Variants in SH3KBP1 observed in about 807,000 individuals in gnomAD.
SH3KBP1 encodes SH3 domain containing kinase binding protein 1.
In SH3KBP1, 8 loss-of-function variants were observed where a neutral mutation model predicts 50.1. That is an observed-to-expected ratio of 0.16 (90% CI 0.09 to 0.29). The LOEUF (loss-of-function observed/expected upper bound fraction) is 0.29. Among genes scored for constraint, SH3KBP1 ranks in the 10% least tolerant of loss-of-function variants. The probability of loss-of-function intolerance (pLI) is 1.00; values close to 1 mark genes in which losing one functional copy is unlikely to be tolerated. For missense variants in SH3KBP1, 377 were observed against 535.2 expected (o/e 0.70, Z 2.92); for synonymous variants, 227 against 218.6 (o/e 1.04, Z -0.34).
At chrX:19,772,572 G>A (rs921935527) in intron 2 of SH3KBP1, among the ~76,000 whole-genome samples, 3 of 110,979 alleles carry the variant, frequency 2.7e-5, no homozygotes, top group African/African-American at 9.8e-5. Context: ...TTTCCTCTCC[G>A]TTCCAACATT....
chrX:19,584,837 T>C (rs1191974379), intron 12 of SH3KBP1, among the ~76,000 whole-genome samples: 1 of 112,063 alleles, frequency 8.9e-6, no homozygotes, highest in Non-Finnish European at 1.9e-5. Context: ...GGAGTGGCAA[T>C]GCCTGGCTTC....
At position 19,570,504 on chromosome X, in the gene SH3KBP1, G is replaced by A. The variant is rs185890533; in HGVS notation, c.1299-1316C>T. 6.0e-3 allele frequency among the ~76,000 whole-genome samples: 669 copies of A among 111,558 alleles called. 3 individuals are homozygous for A. Among genetic ancestry groups the A allele is most frequent in the African/African-American group, 0.02 (613 of 30,737 alleles). On this transcript the variant is annotated intron_variant, in intron 12 of 17. Coordinates refer to ENST00000397821, the MANE Select transcript of SH3KBP1 (RefSeq NM_031892.3). ...TTGGTGAACACCTGACTGCTGGGCC[G>A]GATACTACAGGGCTTGTTTTGTCTG...
chrX:19,753,011 G>A (rs1193872415), intron 2 of SH3KBP1, among the ~76,000 whole-genome samples: 1 of 111,749 alleles, frequency 8.9e-6, no homozygotes, highest in Non-Finnish European at 1.9e-5. Context: ...CACCTCAGCT[G>A]TTTTCCCCCT....
At chrX:19,799,096 C>T (rs865909646) in intron 2 of SH3KBP1, among the ~76,000 whole-genome samples, 6 of 110,100 alleles carry the variant, frequency 5.4e-5, no homozygotes, top group Non-Finnish European at 1.1e-4. Context: ...CATTCTTACC[C>T]CCACCCCCTT....
chrX:19,679,968 A>G (rs5955834), intron 6 of SH3KBP1, among the ~76,000 whole-genome samples: 10,788 of 111,916 alleles, frequency 0.096, 1,160 homozygotes, highest in African/African-American at 0.32. Flanking sequence ...GGGATGTTAT[A>G]CAATATCTCT....
intron 7 of SH3KBP1, among the ~76,000 whole-genome samples, chrX:19,637,866 C>T (rs1423221677): frequency 1.8e-5 from 2 of 108,476 alleles, no homozygotes; most frequent in Non-Finnish European, 3.8e-5. Context: ...ATCACGAGGT[C>T]AGGAGCTCGA....
intron 4 of SH3KBP1, among the ~76,000 whole-genome samples, chrX:19,697,688 G>A (rs987402897): frequency 8.9e-6 from 1 of 112,070 alleles, no homozygotes; most frequent in Non-Finnish European, 1.9e-5. Context: ...AGCTCACTGA[G>A]ATCTGGGGTG....
chrX:19,664,552 T>C (rs1026292857), intron 6 of SH3KBP1: 8 of 111,954 alleles, frequency 7.1e-5, no homozygotes, highest in African/African-American at 2.6e-4. Flanking sequence ...AGATGACCTA[T>C]GACTAAAGGT....
chrX:19,780,776 G>A (rs917890526), intron 2 of SH3KBP1, among the ~76,000 whole-genome samples: 1 of 110,239 alleles, frequency 9.1e-6, no homozygotes, highest in Non-Finnish European at 1.9e-5. Flanking sequence ...TTATTTCTGA[G>A]GGCTCTGTTC....
chrX:19,668,959 TATATA>T (rs1569404858), intron 6 of SH3KBP1, among the ~76,000 whole-genome samples: 1 of 78,713 alleles, frequency 1.3e-5, no homozygotes, highest in African/African-American at 4.7e-5. Context: ...TATATATATA[TATATA>T]TATATATATA....
intron 12 of SH3KBP1, among the ~76,000 whole-genome samples, chrX:19,576,009 T>C (rs2066186073): frequency 8.9e-6 from 1 of 112,217 alleles, no homozygotes; most frequent in East Asian, 2.8e-4. Context: ...AGTGTTTCTG[T>C]CTGGTGAGTT....
chrX:19,792,109 T>C (rs1335484762), intron 2 of SH3KBP1, among the ~76,000 whole-genome samples: 1 of 111,059 alleles, frequency 9.0e-6, no homozygotes, highest in African/African-American at 3.3e-5. Context: ...AAAACAAAAT[T>C]AGAAGCAAAC....
rs1227755576 is a variant in SH3KBP1 at position 19,540,569 on chromosome X, C to G, written c.1892+1356G>C. ...TGACCACAAAACACATTAGGGCCCT[C>G]AAGCCACGTAGAGGGAGGCAGGTGA... On this transcript the variant is annotated intron_variant, in intron 16 of 17. Coordinates refer to ENST00000397821, the MANE Select transcript of SH3KBP1 (RefSeq NM_031892.3). Among the ~76,000 whole-genome samples, 3 of 111,352 alleles carry G rather than the reference C, an allele frequency of 2.7e-5. No homozygotes were observed. In the Admixed American group the frequency reaches 2.9e-4, roughly 11 times the overall value.
chrX:19,670,932 C>CCCACTTCCTT, intron 6 of SH3KBP1: 1 of 1,153,931 alleles, frequency 8.7e-7, no homozygotes, highest in Non-Finnish European at 1.2e-6. Flanking sequence ...CTGGAATCCT[C>CCCACTTCCTT]CCACTTCCTT....
intron 6 of SH3KBP1, among the ~76,000 whole-genome samples, chrX:19,656,690 C>T (rs2062286771): frequency 1.8e-5 from 2 of 111,874 alleles, no homozygotes; most frequent in African/African-American, 6.5e-5. Context: ...TAATGGGAAG[C>T]ATCACAGTGC....
intron 2 of SH3KBP1, among the ~76,000 whole-genome samples, chrX:19,771,851 C>T (rs890579975): frequency 1.8e-4 from 12 of 68,353 alleles, no homozygotes; most frequent in African/African-American, 4.4e-4. Flanking sequence ...GCGACAAAAG[C>T]GAAACTCCGT....
intron 4 of SH3KBP1, among the ~76,000 whole-genome samples, chrX:19,703,695 ACT>A (rs1569429260): frequency 5.7e-5 from 4 of 70,391 alleles, no homozygotes; most frequent in East Asian, 4.8e-4. Flanking sequence ...AAAAAGAGAA[ACT>A]GTGTGTGTGT....
chrX:19,789,561 C>CT (rs1431252703), intron 2 of SH3KBP1, among the ~76,000 whole-genome samples: 1 of 109,154 alleles, frequency 9.2e-6, no homozygotes, highest in Non-Finnish European at 1.9e-5. Context: ...GGTCTTTCCT[C>CT]TGTGCGTCTG....
At chrX:19,766,974 C>T (rs888574472) in intron 2 of SH3KBP1, among the ~76,000 whole-genome samples, 1 of 111,261 alleles carries the variant, frequency 9.0e-6, no homozygotes, top group Non-Finnish European at 1.9e-5. Flanking sequence ...ACGTGGACAC[C>T]TTTGAGGGGC....
Sources: allele counts gnomAD v4.1 joint callset (sites outside exome capture counted in the v4.1 genomes callset), GRCh38; gene constraint gnomAD v4.1.1; transcripts MANE v1.5; gene names NCBI Gene and HGNC (gene_info 2026-07-23, HGNC 2026-07-21).